MAML3: variants seen among roughly 807,000 people sequenced by gnomAD.
MAML3 encodes the protein mastermind-like protein 3.
A neutral mutation model predicts 101.9 loss-of-function variants in MAML3; 27 were observed. That is an observed-to-expected ratio of 0.27 (90% CI 0.20 to 0.37). The LOEUF is 0.37. Ranked by LOEUF, MAML3 falls within the 10% of genes least tolerant of loss-of-function variation. The pLI is 1.00. For missense variants in MAML3, 1,316 were observed against 1,444.9 expected (o/e 0.91, Z 1.45); for synonymous variants, 501 against 555.9 (o/e 0.90, Z 1.39).
chr4:139,990,073 A>C (rs1734635222), intron 1 of MAML3, among the ~76,000 whole-genome samples: 1 of 152,106 alleles, frequency 6.6e-6, no homozygotes, highest in Non-Finnish European at 1.5e-5. Flanking sequence ...AGTAATCTTG[A>C]TTTTTTTCAC....
chr4:139,840,065 C>T (rs1731334640), intron 2 of MAML3, among the ~76,000 whole-genome samples: 1 of 152,174 alleles, frequency 6.6e-6, no homozygotes, highest in South Asian at 2.1e-4. Flanking sequence ...ATCACCATGA[C>T]CATCTCTGTC....
At chr4:139,751,412 C>T (rs187609902) in intron 2 of MAML3, among the ~76,000 whole-genome samples, 6 of 152,220 alleles carry the variant, frequency 3.9e-5, no homozygotes, top group Admixed American at 6.5e-5. Flanking sequence ...TCATAATACA[C>T]GTTATACACA....
rs766864402 is a variant in MAML3, at chr4:139,890,925, G to A, written c.511C>T (p.Pro171Ser). Residue 171 changes from proline (P) to serine (S), a missense_variant, in exon 2 of 5, where the codon CCA becomes TCA. Coordinates refer to ENST00000509479, the MANE Select transcript of MAML3 (RefSeq NM_018717.5). This position sits in a 1 kb window ranked among gnomAD's most constrained non-coding sequence, Gnocchi z 4.1. The stretch of plus-strand genomic sequence containing the variant: ...CCATTCTGCTGGTCTCCATTAAGTG[G>A]TGATCGAGCTCCTTCCAACTTCCTT... ...VKRKLEGARS[P>S]LNGDQQNGAC... 7 of 1,613,326 alleles carry A rather than the reference G, an allele frequency of 4.3e-6. No individual in the cohort carries two copies. The highest frequency in any genetic ancestry group is 1.6e-4 in the Middle Eastern group (1 of 6,084).
chr4:140,025,241 A>G (rs1004037631), intron 1 of MAML3, among the ~76,000 whole-genome samples: 3 of 152,200 alleles, frequency 2.0e-5, no homozygotes, highest in African/African-American at 7.2e-5. Context: ...TGATAATAGC[A>G]TCATTGTTAT....
intron 2 of MAML3, among the ~76,000 whole-genome samples, chr4:139,810,940 C>T (rs2111112149): frequency 6.6e-6 from 1 of 152,242 alleles, no homozygotes; most frequent in East Asian, 1.9e-4. Context: ...ACTGGCCCTG[C>T]CCTTTTCTTC....
In MAML3 at chr4:139,732,590, T is replaced by G. The variant is rs544357875; in HGVS notation, c.2080-1923A>C. 8.3e-3 allele frequency among the ~76,000 whole-genome samples: 1,148 copies of G among 138,236 alleles called. 11 individuals carry two copies. Among genetic ancestry groups the G allele is most frequent in the African/African-American group, 0.028 (1,041 of 37,590 alleles). The allele number at this position is 138,236 out of a possible 152,430, so 90.7% of individuals were successfully genotyped here. On this transcript the variant is annotated intron_variant, in intron 2 of 4. Coordinates refer to ENST00000509479, the MANE Select transcript of MAML3 (RefSeq NM_018717.5). ...ACTAGAACGCTATTTTTTTTTTTTTTGTAACAGATAGCTTGTCTTTACTTT... is the reference window on the plus strand; with the variant it reads ...ACTAGAACGCTATTTTTTTTTTTTTGGTAACAGATAGCTTGTCTTTACTTT...
chr4:140,074,368 T>C (rs1462383981), intron 1 of MAML3, among the ~76,000 whole-genome samples: 2 of 152,032 alleles, frequency 1.3e-5, no homozygotes, highest in Non-Finnish European at 2.9e-5. Flanking sequence ...TGAAAACATA[T>C]AAGGCAGAAT....
intron 1 of MAML3, among the ~76,000 whole-genome samples, chr4:140,135,093 C>G (rs560698988): frequency 2.8e-4 from 42 of 152,210 alleles, no homozygotes; most frequent in Non-Finnish European, 5.7e-4. Flanking sequence ...GGAGCACACT[C>G]ACAGGGCAGC....
chr4:139,948,037 T>C (rs1345920610), intron 1 of MAML3, among the ~76,000 whole-genome samples: 1 of 151,480 alleles, frequency 6.6e-6, no homozygotes, highest in Non-Finnish European at 1.5e-5. Context: ...GGAGGGTAGG[T>C]TGCAGTGGGC....
intron 2 of MAML3, among the ~76,000 whole-genome samples, chr4:139,764,319 G>A (rs1042602434): frequency 6.6e-6 from 1 of 152,144 alleles, no homozygotes; most frequent in Non-Finnish European, 1.5e-5. Context: ...ACCAATGCCC[G>A]GCTGGAAAGG....
chr4:139,822,587 A>G (rs956959181), intron 2 of MAML3, among the ~76,000 whole-genome samples: 2 of 152,194 alleles, frequency 1.3e-5, no homozygotes, highest in Non-Finnish European at 2.9e-5. Flanking sequence ...CTCCATCAGA[A>G]TTGGAGCTTC....
chr4:139,980,015 CTCTGGACTATCTTACTA>C lies in MAML3; in HGVS notation c.469-89065_469-89049del, dbSNP rs1734416483. Among the ~76,000 whole-genome samples the C allele has an allele frequency of 2.0e-5, 3 of 152,242 alleles. No individual in the cohort carries two copies. The East Asian group carries it at 5.8e-4, about 29-fold the overall frequency. On this transcript the variant is annotated intron_variant, in intron 1 of 4. Transcript: ENST00000509479. The stretch of plus-strand genomic sequence containing the variant: ...TTGACTGAGCACTGAGCTATTTTCT[CTCTGGACTATCTTACTA>C]TCTGTTTGGCTGGCCTGCTACAGAG...
At chr4:139,811,345 G>A (rs1192721606) in intron 2 of MAML3, among the ~76,000 whole-genome samples, 1 of 152,180 alleles carries the variant, frequency 6.6e-6, no homozygotes, top group African/African-American at 2.4e-5. Flanking sequence ...AAGGGGGTGA[G>A]TGTGGGCTGG....
At chr4:139,876,186 C>T (rs1732112062) in intron 2 of MAML3, among the ~76,000 whole-genome samples, 1 of 152,114 alleles carries the variant, frequency 6.6e-6, no homozygotes, top group Admixed American at 6.5e-5. Flanking sequence ...TACATGTTAA[C>T]ATAATCATAT....
At chr4:139,970,239 G>A (rs992145627) in intron 1 of MAML3, among the ~76,000 whole-genome samples, 1 of 152,200 alleles carries the variant, frequency 6.6e-6, no homozygotes, top group Non-Finnish European at 1.5e-5. Context: ...CACGGACAAG[G>A]TAGCATTTGA....
Position 139,755,293 on chromosome 4 carries a change from G to C in MAML3, c.2080-24626C>G, listed in dbSNP as rs6853116. On this transcript the variant is annotated intron_variant, in intron 2 of 4. Transcript: ENST00000509479. ...TTTGGCTTGGACCTCCCACTGCCTC[G>C]GCAATGTGGATTTAAGAAAACTGTG... Among the ~76,000 whole-genome samples, 414 of 152,302 alleles carry C rather than the reference G, an allele frequency of 2.7e-3. 2 individuals are homozygous for C. Among genetic ancestry groups the C allele is most frequent in the African/African-American group, 9.5e-3 (394 of 41,570 alleles).
At chr4:139,953,100 G>A (rs529201578) in intron 1 of MAML3, among the ~76,000 whole-genome samples, 14 of 152,290 alleles carry the variant, frequency 9.2e-5, no homozygotes, top group African/African-American at 3.4e-4. Flanking sequence ...GATGTTAAAC[G>A]TGGTATGCTA....
intron 2 of MAML3, among the ~76,000 whole-genome samples, chr4:139,776,630 C>T (rs1288101198): frequency 6.6e-6 from 1 of 152,152 alleles, no homozygotes; most frequent in Non-Finnish European, 1.5e-5. Flanking sequence ...GAAACACACT[C>T]AAAGCAGATA....
chr4:139,869,781 T>G (rs1731966971), intron 2 of MAML3, among the ~76,000 whole-genome samples: 1 of 152,216 alleles, frequency 6.6e-6, no homozygotes, highest in South Asian at 2.1e-4. Context: ...ACCTATTACC[T>G]TCTAGGAGAT....
Sources: allele counts gnomAD v4.1 joint callset (sites outside exome capture counted in the v4.1 genomes callset), GRCh38; gene constraint gnomAD v4.1.1; non-coding constraint Gnocchi (gnomAD v3.1); transcripts MANE v1.5; gene names NCBI Gene and HGNC (gene_info 2026-07-23, HGNC 2026-07-21).